CSMD3: variants seen among roughly 807,000 people sequenced by gnomAD.
CSMD3 encodes CUB and Sushi multiple domains 3, also known as CUB and sushi domain-containing protein 3.
In CSMD3, 177 loss-of-function variants were observed where a neutral mutation model predicts 435.2. The observed-to-expected ratio is 0.41, with a 90% confidence interval of 0.36 to 0.46. The LOEUF (loss-of-function observed/expected upper bound fraction) is 0.46. Ranked by LOEUF, CSMD3 falls within the 20% of genes least tolerant of loss-of-function variation. The pLI is 0.34. For missense variants in CSMD3, 4,265 were observed against 4,504.6 expected (o/e 0.95, Z 1.52); for synonymous variants, 1,656 against 1,520.5 (o/e 1.09, Z -2.07).
At chr8:112,935,294 A>T (rs1216860878) in intron 9 of CSMD3, among the ~76,000 whole-genome samples, 1 of 152,058 alleles carries the variant, frequency 6.6e-6, no homozygotes, top group Non-Finnish European at 1.5e-5. Context: ...TTTGGATACT[A>T]TAGTTTTGTA....
intron 40 of CSMD3, among the ~76,000 whole-genome samples, chr8:112,350,471 C>G (rs1320070303): frequency 6.6e-6 from 1 of 151,970 alleles, no homozygotes; most frequent in African/African-American, 2.4e-5. Context: ...TAAAATTTAA[C>G]TCTAAATTAT....
At chr8:112,443,929 C>A (rs571578886) in intron 32 of CSMD3, among the ~76,000 whole-genome samples, 1 of 152,058 alleles carries the variant, frequency 6.6e-6, no homozygotes, top group Non-Finnish European at 1.5e-5. Context: ...ATCCTCATAA[C>A]AGCCCTATAA....
rs564961270 is a variant in CSMD3, at chr8:112,247,066, G to A, written c.10176C>T (p.Thr3392=). ...CACTCCACGTAAGATCAGGGAGGCA[G>A]GTGCGTGTTGTAGACCCTTGGAGAA... The part of the protein sequence containing the change: ...GHLLQGSTTR[T]CLPDLTWSGI... Residue 3392 remains threonine (T), a synonymous_variant, in exon 64 of 71, where the codon ACC becomes ACT. Transcript: ENST00000297405. The A allele has an allele frequency of 3.3e-5, 54 of 1,613,876 alleles. 2 individuals are homozygous for A. In the South Asian group the frequency reaches 5.4e-4, roughly 16 times the overall value.
intron 4 of CSMD3, among the ~76,000 whole-genome samples, chr8:113,154,919 T>C (rs1432995479): frequency 6.6e-6 from 1 of 152,018 alleles, no homozygotes; most frequent in Non-Finnish European, 1.5e-5. Context: ...AATTTGTCTA[T>C]TTTGTGTCCT....
chr8:113,098,576 T>A, intron 5 of CSMD3, 180 bp downstream of exon 5: 1 of 595,132 alleles, frequency 1.7e-6, no homozygotes, highest in South Asian at 2.1e-5. Flanking sequence ...ATTTCATCTA[T>A]TTTTTATGTA....
intron 28 of CSMD3, among the ~76,000 whole-genome samples, chr8:112,508,726 C>T (rs1822788274): frequency 6.6e-6 from 1 of 152,124 alleles, no homozygotes; most frequent in Non-Finnish European, 1.5e-5. Context: ...TTCCCTGTTG[C>T]AATAGTCCCT....
At chr8:112,770,679 A>G (rs947586425) in intron 13 of CSMD3, among the ~76,000 whole-genome samples, 2 of 152,036 alleles carry the variant, frequency 1.3e-5, no homozygotes, top group African/African-American at 4.8e-5. Context: ...TATTTTAAGG[A>G]TCATAATGAA....
intron 12 of CSMD3, among the ~76,000 whole-genome samples, chr8:112,816,906 T>C (rs1375402408): frequency 1.3e-5 from 2 of 151,900 alleles, no homozygotes; most frequent in African/African-American, 4.8e-5. Flanking sequence ...CAGGAAAAAG[T>C]GTTGTTAGCC....
chr8:113,047,694 G>T (rs1041099550), intron 5 of CSMD3, among the ~76,000 whole-genome samples: 1 of 152,100 alleles, frequency 6.6e-6, no homozygotes. Context: ...GTCATTTCAG[G>T]AATTATGACA....
chr8:113,038,084 C>G (rs1367977326), intron 5 of CSMD3, among the ~76,000 whole-genome samples: 1 of 151,994 alleles, frequency 6.6e-6, no homozygotes. Context: ...ACAGGGTCTG[C>G]AGACAATTAG....
chr8:112,682,666 C>T, intron 15 of CSMD3, 30 bp from the exon 16 acceptor site: 1 of 1,416,226 alleles, frequency 7.1e-7, no homozygotes, highest in Non-Finnish European at 1.0e-6. Flanking sequence ...GAAAAATACA[C>T]AAACAAACAA....
chr8:113,141,166 A>G (rs2091539246), intron 4 of CSMD3, among the ~76,000 whole-genome samples: 1 of 150,852 alleles, frequency 6.6e-6, no homozygotes, highest in Non-Finnish European at 1.5e-5. Context: ...AGGAAATAAA[A>G]AGTATAATTT....
intron 1 of CSMD3, among the ~76,000 whole-genome samples, chr8:113,396,803 C>T (rs2094485610): frequency 6.6e-6 from 1 of 152,012 alleles, no homozygotes; most frequent in Admixed American, 6.6e-5. Flanking sequence ...CCTGTATAAT[C>T]ACAGTTTATT....
intron 1 of CSMD3, among the ~76,000 whole-genome samples, chr8:113,332,307 A>T (rs1315513848): frequency 1.4e-5 from 1 of 70,772 alleles, no homozygotes; most frequent in African/African-American, 8.2e-5. Flanking sequence ...TCAATTGGTT[A>T]AAAAAAAAAA....
intron 3 of CSMD3, among the ~76,000 whole-genome samples, chr8:113,236,872 T>C (rs2093157075): frequency 6.6e-6 from 1 of 152,154 alleles, no homozygotes; most frequent in Non-Finnish European, 1.5e-5. Flanking sequence ...TATTTTTCTA[T>C]CTCCTATTGG....
At chr8:113,098,696 T>C in intron 5 of CSMD3, 60 bp downstream of exon 5, 1 of 1,152,354 alleles carries the variant, frequency 8.7e-7, no homozygotes, top group Non-Finnish European at 1.3e-6. Flanking sequence ...TCAGTTGTTC[T>C]TTGTTCCTTA....
intron 13 of CSMD3, among the ~76,000 whole-genome samples, chr8:112,767,500 G>A (rs1262468828): frequency 6.6e-6 from 1 of 151,732 alleles, no homozygotes; most frequent in Admixed American, 6.6e-5. Context: ...CCAAGTACAA[G>A]TTACTTAACC....
At chr8:112,907,494 A>C (rs551371627) in intron 10 of CSMD3, among the ~76,000 whole-genome samples, 1 of 151,532 alleles carries the variant, frequency 6.6e-6, no homozygotes, top group East Asian at 2.0e-4. Context: ...TCTCATCTAT[A>C]AAATTATAGC....
At chr8:112,311,222 A>C (rs1650274268) in intron 49 of CSMD3, 56 bp from the exon 50 acceptor site, 33 of 1,442,742 alleles carry the variant, frequency 2.3e-5, no homozygotes, top group Non-Finnish European at 3.2e-5. Context: ...GTTATTACCC[A>C]AAGTGATAAA....
Sources: gnomAD v4.1 joint callset for allele counts (sites outside exome capture counted in the v4.1 genomes callset) on GRCh38, gnomAD v4.1.1 for gene constraint, MANE v1.5 for transcripts, NCBI Gene and HGNC (gene_info 2026-07-23, HGNC 2026-07-21) for gene names.